Variants in FMNL3 observed in about 807,000 individuals in gnomAD.
FMNL3 encodes formin like 3, also known as formin-like protein 3.
A neutral mutation model predicts 119.6 loss-of-function variants in FMNL3; 57 were observed. The ratio of observed to expected loss-of-function variants is 0.48; its 90% CI spans 0.39 to 0.59. The LOEUF is 0.59. Ranked by LOEUF, FMNL3 falls within the 20% of genes least tolerant of loss-of-function variation. The pLI is 0.00. For synonymous variants in FMNL3, 491 were observed against 507.3 expected (o/e 0.97, Z 0.43); for missense variants, 1,053 against 1,323.5 (o/e 0.80, Z 3.17).
chr12:49,673,742 G>A (rs1160657901), intron 1 of FMNL3, among the ~76,000 whole-genome samples: 3 of 152,252 alleles, frequency 2.0e-5, no homozygotes, highest in African/African-American at 7.2e-5. Flanking sequence ...CAGGGCGGGA[G>A]TCCTCCTCCA....
At chr12:49,687,813 C>T (rs1045924023) in intron 1 of FMNL3, among the ~76,000 whole-genome samples, 1 of 152,172 alleles carries the variant, frequency 6.6e-6, no homozygotes, top group African/African-American at 2.4e-5. Flanking sequence ...TGAATAATGC[C>T]TACTTTCCAG....
Position 49,643,585 on chromosome 12 carries a change from A to C in FMNL3, c.*2230T>G, listed in dbSNP as rs1257500515. Reference sequence around the variant, plus strand: ...AGGAAAACTGGACTTAGACTTCCTCAGAGCATGAGGTTCCTGCCTGTGAAG... The same window carrying C: ...AGGAAAACTGGACTTAGACTTCCTCCGAGCATGAGGTTCCTGCCTGTGAAG... On this transcript the variant is annotated 3_prime_UTR_variant, in exon 26 of 26. Transcript: ENST00000335154. 1.4e-6 allele frequency: 2 copies of C among 1,402,480 alleles called. No individual in the cohort carries two copies. The highest frequency in any genetic ancestry group is 5.2e-5 in the Admixed American group (2 of 38,498). The allele number at this position is 1,402,480 out of a possible 1,614,324, so 86.9% of individuals were successfully genotyped here. A position where few individuals can be genotyped will look rare whatever the true frequency, so the allele number is the denominator to read the frequency against.
Position 49,643,324 on chromosome 12 carries a change from A to C in FMNL3, c.*2491T>G. On this transcript the variant is annotated 3_prime_UTR_variant, in exon 26 of 26. Coordinates refer to ENST00000335154, the MANE Select transcript of FMNL3 (RefSeq NM_175736.5). The stretch of plus-strand genomic sequence containing the variant: ...AGTCAGGCTCTGAGCCCTCTTCCTC[A>C]CTTGATTCAGTTGAAAGTGGGGGTG... 6.2e-7 allele frequency: 1 copy of C among 1,608,350 alleles called. No homozygotes were observed. The highest frequency in any genetic ancestry group is 8.5e-7 in the Non-Finnish European group (1 of 1,177,628).
At position 49,647,015 on chromosome 12, in the gene FMNL3, GC is replaced by G; in HGVS notation, c.2872-7del. On this transcript the variant is annotated splice_polypyrimidine_tract_variant and splice_region_variant and intron_variant, in intron 24 of 25. Coordinates refer to ENST00000335154, the MANE Select transcript of FMNL3 (RefSeq NM_175736.5). This position sits in a 1 kb window ranked among gnomAD's most constrained non-coding sequence, Gnocchi z 4.9. The stretch of plus-strand genomic sequence containing the variant: ...TTGTTCCGCTGGGATGGGGTCTAGG[GC>G]CAAGAATGTGGAGGGGAAGGAAGTC... The G allele has an allele frequency of 4.4e-6, 7 of 1,595,288 alleles. No individual in the cohort carries two copies. The highest frequency in any genetic ancestry group is 5.9e-6 in the Non-Finnish European group (7 of 1,178,082).
At chr12:49,693,636 G>GTTTTTTTTT (rs71080198) in intron 1 of FMNL3, among the ~76,000 whole-genome samples, 1 of 63,362 alleles carries the variant, frequency 1.6e-5, no homozygotes, top group African/African-American at 6.3e-5. Flanking sequence ...CCCAATCTTG[G>GTTTTTTTTT]TTTTTTTTTT....
Position 49,641,723 on chromosome 12 carries a change from G to A in FMNL3, c.*4092C>T, listed in dbSNP as rs1255830324. The A allele has an allele frequency of 3.4e-6, 2 of 591,350 alleles. No homozygotes were observed. Among genetic ancestry groups the A allele is most frequent in the South Asian group, 4.2e-5 (2 of 47,586 alleles). 36.6% of individuals were successfully genotyped at this position (591,350 alleles called of 1,614,324 possible). A position where few individuals can be genotyped will look rare whatever the true frequency, so the allele number is the denominator to read the frequency against. Reference sequence around the variant, plus strand: ...CTGTGTGACATCCAAACCAAGGGTAGGCATGGGGGCTTAATTGTCAAGTGA... The same window carrying A: ...CTGTGTGACATCCAAACCAAGGGTAAGCATGGGGGCTTAATTGTCAAGTGA... On this transcript the variant is annotated 3_prime_UTR_variant, in exon 26 of 26. Coordinates refer to ENST00000335154, the MANE Select transcript of FMNL3 (RefSeq NM_175736.5).
Position 49,644,228 on chromosome 12 carries a change from G to A in FMNL3, c.*1587C>T, listed in dbSNP as rs761813074. 6.2e-7 allele frequency: 1 copy of A among 1,610,524 alleles called. No homozygotes were observed. On this transcript the variant is annotated 3_prime_UTR_variant, in exon 26 of 26. Coordinates refer to ENST00000335154, the MANE Select transcript of FMNL3 (RefSeq NM_175736.5). Reference sequence around the variant, plus strand: ...TGTTCTCTGCCTCGGGTCTGTGTGAGGCCATGGCTCCTGGGCCACCCTCAC... The same window carrying A: ...TGTTCTCTGCCTCGGGTCTGTGTGAAGCCATGGCTCCTGGGCCACCCTCAC...
chr12:49,685,126 G>C (rs907025017), intron 1 of FMNL3, among the ~76,000 whole-genome samples: 13 of 152,146 alleles, frequency 8.5e-5, no homozygotes, highest in African/African-American at 3.1e-4. Context: ...AAAATCCCAG[G>C]AGCACAGGTC....
At chr12:49,671,915 C>G (rs958574691) in intron 1 of FMNL3, among the ~76,000 whole-genome samples, 48 of 152,108 alleles carry the variant, frequency 3.2e-4, no homozygotes, top group African/African-American at 1.2e-3. Flanking sequence ...TCAGAGGGCC[C>G]AAGATCAACT....
intron 8 of FMNL3, 30 bp downstream of exon 8, chr12:49,656,793 T>A (rs1943583501): frequency 6.3e-7 from 1 of 1,578,388 alleles, no homozygotes; most frequent in Non-Finnish European, 8.7e-7. Flanking sequence ...CTGGACAGAG[T>A]GGGGAGGAAA....
intron 1 of FMNL3, among the ~76,000 whole-genome samples, chr12:49,695,818 A>AT (rs112373407): frequency 0.2 from 29,319 of 147,470 alleles, 4,459 homozygotes; most frequent in African/African-American, 0.44. Flanking sequence ...GGTACAGGTC[A>AT]TTTTTTTTTT....
intron 4 of FMNL3, among the ~76,000 whole-genome samples, chr12:49,663,520 T>C (rs1943799359): frequency 6.6e-6 from 1 of 152,200 alleles, no homozygotes; most frequent in African/African-American, 2.4e-5. Context: ...TGCCCAGAAA[T>C]CCAGGAAGGA....
At chr12:49,703,330 A>T (rs1165516682) in intron 1 of FMNL3, among the ~76,000 whole-genome samples, 1 of 152,118 alleles carries the variant, frequency 6.6e-6, no homozygotes, top group Non-Finnish European at 1.5e-5. Flanking sequence ...TTTGGACCAA[A>T]ACACACTGGG....
chr12:49,697,344 C>A (rs1944778489), intron 1 of FMNL3, among the ~76,000 whole-genome samples: 1 of 152,314 alleles, frequency 6.6e-6, no homozygotes, highest in South Asian at 2.1e-4. Context: ...GCACCACACA[C>A]CATGGCTCTG....
intron 21 of FMNL3, 108 bp from the exon 22 acceptor site, chr12:49,648,461 G>T: frequency 8.3e-7 from 1 of 1,197,628 alleles, no homozygotes; most frequent in Non-Finnish European, 1.1e-6. Context: ...GGCTCACTCA[G>T]GTTCACATAC....
rs1943110580 is a variant in FMNL3 at position 49,645,022 on chromosome 12, G to GC, written c.*792dup. The GC allele has an allele frequency of 7.0e-6, 1 of 142,320 alleles. No homozygotes were observed. The highest frequency in any genetic ancestry group is 7.5e-5 in the Admixed American group (1 of 13,400). The allele number at this position is 142,320 out of a possible 1,614,324, so 8.8% of individuals were successfully genotyped here. On this transcript the variant is annotated 3_prime_UTR_variant, in exon 26 of 26. Transcript: ENST00000335154. Reference sequence around the variant, plus strand: ...AGGTGGTACATGTACAAAAAAGTGGGCCCCCACATTCCCTTCCAGGGGCAG... The same window carrying GC: ...AGGTGGTACATGTACAAAAAAGTGGGCCCCCCACATTCCCTTCCAGGGGCAG...
Position 49,649,099 on chromosome 12 carries a change from T to A in FMNL3, c.2445A>T (p.Thr815=). Residue 815 remains threonine (T), a synonymous_variant, in exon 21 of 26, where the codon ACA becomes ACT. Coordinates refer to ENST00000335154, the MANE Select transcript of FMNL3 (RefSeq NM_175736.5). The surrounding 1 kb of genome is among the most constrained non-coding windows in gnomAD (Gnocchi z 5.6). ...KMTLLHFIAL[T]VKEKYPDLAN... is the part of the protein sequence containing the mutation. ...CCAGGTCTGGGTATTTCTCCTTCAC[T>A]GTCAAGGCGATGAAATGAAGCAGTG... 6.2e-7 allele frequency: 1 copy of A among 1,613,764 alleles called. No individual in the cohort carries two copies. The highest frequency in any genetic ancestry group is 8.5e-7 in the Non-Finnish European group (1 of 1,179,766).
chr12:49,697,937 G>A (rs1021544569), intron 1 of FMNL3, among the ~76,000 whole-genome samples: 2 of 151,904 alleles, frequency 1.3e-5, no homozygotes, highest in Non-Finnish European at 1.5e-5. Flanking sequence ...CTTCCTCCCA[G>A]AACAAAATTT....
intron 17 of FMNL3, 33 bp downstream of exon 17, chr12:49,650,643 T>C (rs1188387266): frequency 6.2e-7 from 1 of 1,609,854 alleles, no homozygotes; most frequent in Admixed American, 1.7e-5. Flanking sequence ...GCCAACAGAC[T>C]AGGGACCAGA....
Sources: allele counts gnomAD v4.1 joint callset (sites outside exome capture counted in the v4.1 genomes callset), GRCh38; gene constraint gnomAD v4.1.1; non-coding constraint Gnocchi (gnomAD v3.1); transcripts MANE v1.5; gene names NCBI Gene and HGNC (gene_info 2026-07-23, HGNC 2026-07-21).